Variants in ATG12 observed in about 807,000 individuals in gnomAD.
ATG12 encodes the protein autophagy related 12.
Under a neutral mutation model 17.6 loss-of-function variants are expected in ATG12, and 19 were observed. That is an observed-to-expected ratio of 1.08 (90% CI 0.75 to 1.58). The LOEUF (loss-of-function observed/expected upper bound fraction) is 1.58. Among genes scored for constraint, ATG12 ranks in the 40% most tolerant of loss-of-function variants. The pLI, the probability that ATG12 is intolerant of heterozygous loss-of-function variation, is 0.00. For missense variants in ATG12, 214 were observed against 162.0 expected (o/e 1.32, Z -1.74); for synonymous variants, 75 against 62.4 (o/e 1.20, Z -0.95).
intron 1 of ATG12, chr5:115,839,592 T>G (rs1344494260): frequency 6.6e-6 from 1 of 152,202 alleles, no homozygotes; most frequent in African/African-American, 2.4e-5. Flanking sequence ...TAATTATAGC[T>G]GCCCTCTCTT....
intron 3 of ATG12, 131 bp downstream of exon 3, chr5:115,832,471 G>T: frequency 9.3e-7 from 1 of 1,070,860 alleles, no homozygotes; most frequent in Non-Finnish European, 1.2e-6. Flanking sequence ...AGAATGGCAT[G>T]CCATCTCTTG....
chr5:115,837,206 T>C (rs1455523082), intron 2 of ATG12, among the ~76,000 whole-genome samples: 3 of 152,176 alleles, frequency 2.0e-5, no homozygotes, highest in African/African-American at 7.2e-5. Context: ...CATTTCAGAA[T>C]TCCCCAGAGA....
chr5:115,839,494 T>C (rs1761239448), intron 1 of ATG12: 1 of 152,198 alleles, frequency 6.6e-6, no homozygotes, highest in African/African-American at 2.4e-5. Context: ...CAATTAAACA[T>C]TTCCAGAAAG....
At chr5:115,840,653 CCT>C in intron 1 of ATG12, 2 of 1,240,252 alleles carry the variant, frequency 1.6e-6, no homozygotes, top group Non-Finnish European at 2.1e-6. Context: ...ACGAAATCAG[CCT>C]CTCTGAATCG....
intron 1 of ATG12, chr5:115,839,122 CAAAAAAAA>C (rs35189719): frequency 9.6e-6 from 1 of 104,016 alleles, no homozygotes; most frequent in Non-Finnish European, 2.0e-5. Flanking sequence ...GACATCCTCT[CAAAAAAAA>C]AAAAAAAAAA....
At chr5:115,837,245 T>C (rs1761141871) in intron 2 of ATG12, among the ~76,000 whole-genome samples, 1 of 152,106 alleles carries the variant, frequency 6.6e-6, no homozygotes, top group South Asian at 2.1e-4. Flanking sequence ...TAAACTCCAC[T>C]AACAAGAGAT....
At chr5:115,839,942 C>A (rs1165127074) in intron 1 of ATG12, among the ~76,000 whole-genome samples, 5 of 152,198 alleles carry the variant, frequency 3.3e-5, no homozygotes, top group African/African-American at 4.8e-5. Context: ...ACTGTCCAGA[C>A]CAAGAAAATA....
At chr5:115,836,210 G>C (rs1297240319) in intron 2 of ATG12, among the ~76,000 whole-genome samples, 1 of 152,116 alleles carries the variant, frequency 6.6e-6, no homozygotes, top group Admixed American at 6.6e-5. Flanking sequence ...ATGGCTGAAT[G>C]ATGGCAATTT....
intron 2 of ATG12, among the ~76,000 whole-genome samples, chr5:115,835,597 T>TC (rs1761061296): frequency 1.3e-5 from 2 of 151,920 alleles, no homozygotes; most frequent in Non-Finnish European, 2.9e-5. Context: ...CCCTCCTGGG[T>TC]CCATTTTGAG....
At chr5:115,832,565 T>TTG in intron 3 of ATG12, 37 bp downstream of exon 3, 1 of 1,330,972 alleles carries the variant, frequency 7.5e-7, no homozygotes, top group Non-Finnish European at 9.6e-7. Context: ...AAGCAGTAAT[T>TTG]TCTTTCTTTT....
rs970478731 is a variant in ATG12, at chr5:115,841,478, G to T, written c.75C>A (p.Val25=). 1 of 1,611,506 alleles carries T rather than the reference G, an allele frequency of 6.2e-7. No homozygotes were observed. The highest frequency in any genetic ancestry group is 8.5e-7 in the Non-Finnish European group (1 of 1,179,346). ...IAAGGEGLTD[V]SPETTTPEPP... is the part of the protein sequence containing the mutation. Reference sequence around the variant, plus strand: ...GCTCCGGGGTGGTTGTTTCTGGGGAGACATCCGTAAGTCCTTCCCCTCCAG... The same window carrying T: ...GCTCCGGGGTGGTTGTTTCTGGGGATACATCCGTAAGTCCTTCCCCTCCAG... Residue 25 remains valine (V), a synonymous_variant, in exon 1 of 4, where the codon GTC becomes GTA. Coordinates refer to ENST00000509910, the MANE Select transcript of ATG12 (RefSeq NM_004707.4).
Position 115,830,296 on chromosome 5 carries a change from C to A in ATG12, c.*1508G>T, listed in dbSNP as rs964826775. 1.3e-5 allele frequency: 2 copies of A among 152,038 alleles called. No individual in the cohort carries two copies. Among genetic ancestry groups the A allele is most frequent in the South Asian group, 4.1e-4 (2 of 4,820 alleles). 9.4% of individuals were successfully genotyped at this position (152,038 alleles called of 1,614,324 possible). On this transcript the variant is annotated 3_prime_UTR_variant, in exon 4 of 4. Transcript: ENST00000509910. ...TGCTACAAATTTCAACCAGTATTTT[C>A]GATTTTTTGAGGTCTATCATCTGAA...
At chr5:115,832,506 C>G (rs574691869) in intron 3 of ATG12, 96 bp downstream of exon 3, 1,285 of 1,283,612 alleles carry the variant, frequency 1.0e-3, no homozygotes, top group Non-Finnish European at 1.2e-3. Flanking sequence ...ATTAACAATA[C>G]TACACAATAT....
In ATG12 at chr5:115,841,564, A is replaced by G. The variant is rs780139280; in HGVS notation, c.-12T>C. The G allele has an allele frequency of 1.2e-6, 2 of 1,614,016 alleles. No homozygotes were observed. Among genetic ancestry groups the G allele is most frequent in the Non-Finnish European group, 8.5e-7 (1 of 1,179,978 alleles). Reference sequence around the variant, plus strand: ...GGCTCCTCCGCCATCTTGCTTGGAGACACTCGAGAGCGGAAGTAGCGACTG... The same window carrying G: ...GGCTCCTCCGCCATCTTGCTTGGAGGCACTCGAGAGCGGAAGTAGCGACTG... On this transcript the variant is annotated 5_prime_UTR_variant, in exon 1 of 4. Coordinates refer to ENST00000509910, the MANE Select transcript of ATG12 (RefSeq NM_004707.4).
At chr5:115,834,412 GTTACT>G (rs1235383026) in intron 2 of ATG12, 3 of 152,138 alleles carry the variant, frequency 2.0e-5, no homozygotes, top group Non-Finnish European at 2.9e-5. Flanking sequence ...CGTATAATTT[GTTACT>G]TTAAAGTACA....
At chr5:115,840,731 T>G in intron 1 of ATG12, 8 of 1,186,012 alleles carry the variant, frequency 6.7e-6, no homozygotes, top group Non-Finnish European at 7.5e-6. Flanking sequence ...TTAGAACACG[T>G]AATTTTAGCA....
chr5:115,833,376 G>A (rs1238146646), intron 2 of ATG12: 2 of 151,400 alleles, frequency 1.3e-5, no homozygotes, highest in Non-Finnish European at 2.9e-5. Flanking sequence ...ATTAAACTTA[G>A]TATTTAAAAA....
At chr5:115,836,639 TCC>T (rs1376844472) in intron 2 of ATG12, among the ~76,000 whole-genome samples, 1 of 152,098 alleles carries the variant, frequency 6.6e-6, no homozygotes, top group Non-Finnish European at 1.5e-5. Flanking sequence ...AGCAAATATT[TCC>T]CCCAGTGCCC....
rs1580561298 is a variant in ATG12, at chr5:115,830,527, T to C, written c.*1277A>G. On this transcript the variant is annotated 3_prime_UTR_variant, in exon 4 of 4. Transcript: ENST00000509910. Reference sequence around the variant, plus strand: ...GTTTTGAAATTCCATTCACATTACATTCGATTTACTAGAATGCCTTTTTTT... The same window carrying C: ...GTTTTGAAATTCCATTCACATTACACTCGATTTACTAGAATGCCTTTTTTT... The C allele has an allele frequency of 6.6e-6, 1 of 152,282 alleles. No individual in the cohort carries two copies. The highest frequency in any genetic ancestry group is 1.9e-4 in the East Asian group (1 of 5,190). 9.4% of individuals were successfully genotyped at this position (152,282 alleles called of 1,614,324 possible).
Sources: allele counts gnomAD v4.1 joint callset (sites outside exome capture counted in the v4.1 genomes callset), GRCh38; gene constraint gnomAD v4.1.1; transcripts MANE v1.5; gene names NCBI Gene and HGNC (gene_info 2026-07-23, HGNC 2026-07-21).